The following DAGLA variants were observed in gnomAD, a reference collection of about 807,000 sequenced individuals.
DAGLA encodes the protein diacylglycerol lipase-alpha.
DAGLA carries 22 observed loss-of-function variants against 102.6 expected under a neutral mutation model. That is an observed-to-expected ratio of 0.21 (90% CI 0.15 to 0.31). The LOEUF is 0.31. Ranked by LOEUF, DAGLA falls within the 10% of genes least tolerant of loss-of-function variation. DAGLA has a pLI of 1.00. For missense variants in DAGLA, 927 were observed against 1,446.6 expected, an observed-to-expected ratio of 0.64 and a Z score of 5.83; for synonymous variants, 578 against 628.9, an observed-to-expected ratio of 0.92 and a Z score of 1.21.
At chr11:61,685,664 A>T (rs535566259) in intron 1 of DAGLA, among the ~76,000 whole-genome samples, 1 of 152,152 alleles carries the variant, frequency 6.6e-6, no homozygotes, top group Non-Finnish European at 1.5e-5. Flanking sequence ...ATTTCTAGAA[A>T]TGAGTGATGC....
At chr11:61,700,015 C>G (rs1023215661) in intron 1 of DAGLA, among the ~76,000 whole-genome samples, 1 of 152,222 alleles carries the variant, frequency 6.6e-6, no homozygotes, top group Non-Finnish European at 1.5e-5. Flanking sequence ...TGCCACACCA[C>G]CCTGCATCCC....
chr11:61,722,897 A>G lies in DAGLA; in HGVS notation c.346A>G (p.Ile116Val). The G allele has an allele frequency of 1.9e-6, 3 of 1,614,158 alleles. No individual in the cohort carries two copies. Among genetic ancestry groups the G allele is most frequent in the South Asian group, 1.1e-5 (1 of 91,082 alleles). Residue 116 changes from isoleucine to valine, a missense_variant, in exon 4 of 20, where the codon ATC (isoleucine) becomes GTC (valine). Coordinates refer to ENST00000257215, the MANE Select transcript of DAGLA (RefSeq NM_006133.3). The stretch of plus-strand genomic sequence containing the variant: ...CGAGTTCATCTACGCCATCGTGGGC[A>G]TCGTCTGGCTCACTCAGTACTACAC... ...VIEFIYAIVG[I>V]VWLTQYYTSC...
chr11:61,735,053 C>T (rs769804592), intron 10 of DAGLA, 51 bp downstream of exon 10: 2 of 1,592,148 alleles, frequency 1.3e-6, no homozygotes, highest in Admixed American at 1.7e-5. Context: ...CAGCTGAGGG[C>T]CTAGGGTGCT....
intron 1 of DAGLA, among the ~76,000 whole-genome samples, chr11:61,717,236 T>C (rs1198255212): frequency 6.6e-6 from 1 of 152,126 alleles, no homozygotes; most frequent in African/African-American, 2.4e-5. Flanking sequence ...CAGGCCCTTA[T>C]TGTGATGGGC....
At position 61,688,211 on chromosome 11, in the gene DAGLA, A is replaced by T. The variant is rs544857778; in HGVS notation, c.-45+7707A>T. ...GTGCCTGTAGTCCCAGCTACTTGGG[A>T]GGCTGAGGCAGGAGAATGGCGTGAA... On this transcript the variant is annotated intron_variant, in intron 1 of 19. Coordinates refer to ENST00000257215, the MANE Select transcript of DAGLA (RefSeq NM_006133.3). 1.1e-4 allele frequency among the ~76,000 whole-genome samples: 17 copies of T among 149,972 alleles called. No individual in the cohort carries two copies. The South Asian group carries it at 3.7e-3, about 32-fold the overall frequency.
chr11:61,740,358 T>C, intron 17 of DAGLA, 105 bp from the exon 18 acceptor site: 2 of 1,460,610 alleles, frequency 1.4e-6, no homozygotes, highest in Non-Finnish European at 1.8e-6. Flanking sequence ...CTCCAAACCA[T>C]GCCAGCTCTG....
chr11:61,708,674 C>T (rs561669286), intron 1 of DAGLA, among the ~76,000 whole-genome samples: 11 of 152,340 alleles, frequency 7.2e-5, no homozygotes, highest in Admixed American at 2.6e-4. Flanking sequence ...TGAGCCACCA[C>T]GCCCAGCCTC....
At position 61,734,728 on chromosome 11, in the gene DAGLA, C is replaced by A; in HGVS notation, c.975-121C>A. 2.1e-6 allele frequency: 2 copies of A among 942,862 alleles called. No individual in the cohort carries two copies. Among genetic ancestry groups the A allele is most frequent in the Non-Finnish European group, 3.2e-6 (2 of 617,062 alleles). The allele number at this position is 942,862 out of a possible 1,614,324, so 58.4% of individuals were successfully genotyped here. A position where few individuals can be genotyped will look rare whatever the true frequency, so the allele number is the denominator to read the frequency against. On this transcript the variant is annotated intron_variant, in intron 9 of 19. Transcript: ENST00000257215. This position sits in a 1 kb window ranked among gnomAD's most constrained non-coding sequence, Gnocchi z 4.2. ...GGGGGTCACTAGGACTTAGCAAGGG[C>A]AATTTGGTAGAGGCAGTGGGGCTGA...
chr11:61,728,949 G>C lies in DAGLA; in HGVS notation c.790G>C (p.Ala264Pro). ...VLDEANNDIL[A>P]FLSGMPVTRN... ...CTTACAGGCAAACAATGACATCTTG[G>C]CCTTCCTGTCTGGGATGCCGGTGAC... The change falls in exon 8 of 20, where the codon GCC (alanine) becomes CCC (proline). Residue 264 changes from alanine (A) to proline (P), a missense_variant. Coordinates refer to ENST00000257215, the MANE Select transcript of DAGLA (RefSeq NM_006133.3). 6.2e-7 allele frequency: 1 copy of C among 1,614,196 alleles called. No individual in the cohort carries two copies. Among genetic ancestry groups the C allele is most frequent in the Non-Finnish European group, 8.5e-7 (1 of 1,180,026 alleles).
At position 61,684,870 on chromosome 11, in the gene DAGLA, A is replaced by G. The variant is rs139464416; in HGVS notation, c.-45+4366A>G. 7.0e-3 allele frequency among the ~76,000 whole-genome samples: 1,067 copies of G among 152,028 alleles called. 19 individuals carry two copies. The highest frequency in any genetic ancestry group is 0.05 in the South Asian group (241 of 4,808). ...AGCAGGAGGGAACAGTGGGAGTCGGAGGAGGCTGCCTTCAGGCTGTGGGAG... is the reference window on the plus strand; with the variant it reads ...AGCAGGAGGGAACAGTGGGAGTCGGGGGAGGCTGCCTTCAGGCTGTGGGAG... On this transcript the variant is annotated intron_variant, in intron 1 of 19. Coordinates refer to ENST00000257215, the MANE Select transcript of DAGLA (RefSeq NM_006133.3). This position sits in a 1 kb window ranked among gnomAD's most constrained non-coding sequence, Gnocchi z 4.5.
At chr11:61,742,921 T>C (rs1000593300) in intron 19 of DAGLA, among the ~76,000 whole-genome samples, 3 of 152,124 alleles carry the variant, frequency 2.0e-5, no homozygotes, top group African/African-American at 4.8e-5. Flanking sequence ...ATTGGTACAA[T>C]GACAGGGGTT....
chr11:61,715,631 G>A (rs2065230393), intron 1 of DAGLA, among the ~76,000 whole-genome samples: 2 of 152,228 alleles, frequency 1.3e-5, no homozygotes, highest in African/African-American at 4.8e-5. Context: ...AGCACTCATG[G>A]TGGGGGCAGG....
intron 9 of DAGLA, among the ~76,000 whole-genome samples, chr11:61,733,784 A>T (rs1055291209): frequency 1.3e-5 from 2 of 152,186 alleles, no homozygotes; most frequent in Non-Finnish European, 2.9e-5. Context: ...AGACAAGGCA[A>T]ATAGGGCACA....
intron 7 of DAGLA, among the ~76,000 whole-genome samples, chr11:61,728,601 C>T (rs953607004): frequency 3.9e-5 from 6 of 152,224 alleles, no homozygotes; most frequent in Admixed American, 3.9e-4. Flanking sequence ...CGGTCTTCTG[C>T]GTGGCCGCTC....
Position 61,720,835 on chromosome 11 carries a change from C to T in DAGLA, c.252C>T (p.Gly84=). The change falls in exon 3 of 20, where the codon GGC becomes GGT. Residue 84 remains glycine (G), a synonymous_variant. Transcript: ENST00000257215. ...MAIIWLSMRG[G]ILYTEPRDSM... ...TCATCTGGCTGAGCATGCGCGGGGG[C>T]ATCCTCTACACGGAGCCCCGTGACT... The T allele has an allele frequency of 6.2e-7, 1 of 1,613,576 alleles. No homozygotes were observed. The highest frequency in any genetic ancestry group is 1.1e-5 in the South Asian group (1 of 91,086).
At chr11:61,705,851 G>C (rs1188961610) in intron 1 of DAGLA, among the ~76,000 whole-genome samples, 1 of 152,184 alleles carries the variant, frequency 6.6e-6, no homozygotes, top group Non-Finnish European at 1.5e-5. Context: ...TCTACTCTGA[G>C]AGCCTGCCCC....
At position 61,719,357 on chromosome 11, in the gene DAGLA, G is replaced by T. The variant is rs896964264; in HGVS notation, c.-44-755G>T. ...CTGCAGGGCTTACCCCATCCTTCCA[G>T]CAGTGTGGGGTGGAAGGTGTCCCAA... On this transcript the variant is annotated intron_variant, in intron 1 of 19. Transcript: ENST00000257215. Among the ~76,000 whole-genome samples, 10 of 152,274 alleles carry T rather than the reference G, an allele frequency of 6.6e-5. No homozygotes were observed. The East Asian group carries it at 1.2e-3, about 18-fold the overall frequency.
intron 8 of DAGLA, 21 bp downstream of exon 8, chr11:61,729,029 C>T (rs758195179): frequency 3.7e-6 from 6 of 1,604,156 alleles, no homozygotes; most frequent in Non-Finnish European, 5.1e-6. Context: ...CATCAACTCT[C>T]ACCCCACCCC....
chr11:61,714,758 A>G (rs893828461), intron 1 of DAGLA, among the ~76,000 whole-genome samples: 1 of 152,110 alleles, frequency 6.6e-6, no homozygotes, highest in African/African-American at 2.4e-5. Flanking sequence ...ATGAAAGGGG[A>G]CAGTGGGACT....
Sources: gnomAD v4.1 joint callset for allele counts (sites outside exome capture counted in the v4.1 genomes callset) on GRCh38, gnomAD v4.1.1 for gene constraint, Gnocchi (gnomAD v3.1) non-coding constraint, MANE v1.5 for transcripts, NCBI Gene and HGNC (gene_info 2026-07-23, HGNC 2026-07-21) for gene names.